Variants in SLC45A4 observed in about 807,000 individuals in gnomAD.
SLC45A4 encodes the protein solute carrier family 45 member 4, also known as polyamine-transporter SLC45A4.
In SLC45A4, 32 loss-of-function variants were observed where a neutral mutation model predicts 63.7. The ratio of observed to expected loss-of-function variants is 0.50; its 90% CI spans 0.38 to 0.67. The LOEUF is 0.67. SLC45A4 is among the 30% of genes least tolerant of loss of function. The probability of loss-of-function intolerance (pLI) is 0.00; values close to 1 mark genes in which losing one functional copy is unlikely to be tolerated. For synonymous variants in SLC45A4, 535 were observed against 510.0 expected (o/e 1.05, Z -0.66); for missense variants, 1,027 against 1,157.7 (o/e 0.89, Z 1.64).
intron 3 of SLC45A4, among the ~76,000 whole-genome samples, chr8:141,220,283 AG>A (rs1224707378): frequency 6.6e-6 from 1 of 152,130 alleles, no homozygotes; most frequent in Non-Finnish European, 1.5e-5. Context: ...AGGCAGGCGC[AG>A]GGGGTCTCGC....
At chr8:141,230,113 T>G (rs1439043295) in intron 2 of SLC45A4, 2 of 456,120 alleles carry the variant, frequency 4.4e-6, no homozygotes, top group African/African-American at 2.0e-5. Context: ...GAGGCCGCAT[T>G]AGACTATTTT....
chr8:141,299,938 A>G (rs956806701), intron 1 of SLC45A4, among the ~76,000 whole-genome samples: 6 of 152,160 alleles, frequency 3.9e-5, no homozygotes, highest in African/African-American at 1.4e-4. Context: ...CTGTGGGGGT[A>G]ATTAGGGGCT....
At position 141,253,973 on chromosome 8, in the gene SLC45A4, C is replaced by A; in HGVS notation, c.241+16G>T. ...CCGCTCAGCGTTCACTGCGCACAGA[C>A]GGGGAGGAGACTTACCAATCTGCAA... On this transcript the variant is annotated intron_variant, in intron 2 of 8. Transcript: ENST00000517878. 6.5e-7 allele frequency: 1 copy of A among 1,535,788 alleles called. No homozygotes were observed. The highest frequency in any genetic ancestry group is 8.7e-7 in the Non-Finnish European group (1 of 1,146,612).
intron 1 of SLC45A4, among the ~76,000 whole-genome samples, chr8:141,289,768 T>G (rs889812781): frequency 6.6e-6 from 1 of 152,016 alleles, no homozygotes; most frequent in Non-Finnish European, 1.5e-5. Context: ...AGAAAGCCCA[T>G]GGCCCGGGGT....
intron 2 of SLC45A4, among the ~76,000 whole-genome samples, chr8:141,233,668 C>G (rs987016269): frequency 6.6e-6 from 1 of 152,192 alleles, no homozygotes; most frequent in Non-Finnish European, 1.5e-5. Context: ...ATCTGGGCAA[C>G]AGAGTGAGAC....
At chr8:141,242,664 C>T (rs568389825) in intron 2 of SLC45A4, among the ~76,000 whole-genome samples, 6 of 152,306 alleles carry the variant, frequency 3.9e-5, no homozygotes, top group South Asian at 2.1e-4. Flanking sequence ...CTGGACAAGT[C>T]GCTGAGTCAA....
intron 1 of SLC45A4, among the ~76,000 whole-genome samples, chr8:141,260,756 C>G (rs1484428382): frequency 6.6e-6 from 1 of 152,088 alleles, no homozygotes; most frequent in Non-Finnish European, 1.5e-5. Context: ...CAAAAAAAGT[C>G]CAGGACCAGA....
intron 2 of SLC45A4, among the ~76,000 whole-genome samples, chr8:141,244,734 T>G (rs1320085602): frequency 2.6e-5 from 4 of 152,120 alleles, no homozygotes; most frequent in African/African-American, 9.7e-5. Flanking sequence ...TCGAAAGCAC[T>G]GCTCTCTCAA....
At chr8:141,245,456 C>T (rs775703020) in intron 2 of SLC45A4, among the ~76,000 whole-genome samples, 19 of 152,200 alleles carry the variant, frequency 1.2e-4, no homozygotes, top group Non-Finnish European at 2.5e-4. Flanking sequence ...GGGCCTTCCG[C>T]TCCATCACGT....
intron 2 of SLC45A4, among the ~76,000 whole-genome samples, chr8:141,234,019 T>A (rs1426840649): frequency 1.3e-5 from 2 of 152,258 alleles, no homozygotes; most frequent in Non-Finnish European, 2.9e-5. Context: ...TCTGTAAACA[T>A]CATCACCAGG....
intron 1 of SLC45A4, among the ~76,000 whole-genome samples, chr8:141,298,996 C>T (rs1036885938): frequency 5.3e-5 from 8 of 152,028 alleles, no homozygotes; most frequent in African/African-American, 1.7e-4. Context: ...CTCACCAGTG[C>T]CCCCACCAGG....
At chr8:141,287,439 C>A (rs1470505639) in intron 1 of SLC45A4, among the ~76,000 whole-genome samples, 1 of 152,196 alleles carries the variant, frequency 6.6e-6, no homozygotes, top group East Asian at 1.9e-4. Context: ...GACTGTGCCC[C>A]TGCCACAGAC....
intron 4 of SLC45A4, 74 bp from the exon 5 acceptor site, chr8:141,219,103 T>G: frequency 6.6e-7 from 1 of 1,523,604 alleles, no homozygotes; most frequent in Non-Finnish European, 8.9e-7. Context: ...GGAGGGCCTC[T>G]CCCTCTAACA....
At position 141,256,757 on chromosome 8, in the gene SLC45A4, A is replaced by G. The variant is rs541189231; in HGVS notation, c.-400-2128T>C. On this transcript the variant is annotated intron_variant, in intron 1 of 8. Coordinates refer to ENST00000517878, the MANE Select transcript of SLC45A4 (RefSeq NM_001286646.2). The surrounding 1 kb of genome is among the most constrained non-coding windows in gnomAD (Gnocchi z 4.3). Reference sequence around the variant, plus strand: ...ACGACAGCCCTCGAGAATTCTTTCAAGTTTTCCAAATGTCCTCTACCGTAG... The same window carrying G: ...ACGACAGCCCTCGAGAATTCTTTCAGGTTTTCCAAATGTCCTCTACCGTAG... 2 of 393,320 alleles carry G rather than the reference A, an allele frequency of 5.1e-6. No individual in the cohort carries two copies. The highest frequency in any genetic ancestry group is 7.4e-5 in the East Asian group (1 of 13,534). 24.4% of individuals were successfully genotyped at this position (393,320 alleles called of 1,614,324 possible).
chr8:141,302,544 C>T (rs1177283180), intron 1 of SLC45A4, among the ~76,000 whole-genome samples: 1 of 152,166 alleles, frequency 6.6e-6, no homozygotes, highest in Non-Finnish European at 1.5e-5. Flanking sequence ...GTTGGCCAGG[C>T]TGGTCTCGAA....
At chr8:141,265,998 AT>A (rs773589801) in intron 1 of SLC45A4, among the ~76,000 whole-genome samples, 1 of 152,150 alleles carries the variant, frequency 6.6e-6, no homozygotes, top group Non-Finnish European at 1.5e-5. Flanking sequence ...ACTTCCTACA[AT>A]TTGCTGAGTG....
rs552854565 is a variant in SLC45A4 at position 141,295,047 on chromosome 8, G to A, written c.-401+13049C>T. Among the ~76,000 whole-genome samples, 12 of 152,334 alleles carry A rather than the reference G, an allele frequency of 7.9e-5. No homozygotes were observed. The South Asian group carries it at 1.5e-3, about 18-fold the overall frequency. On this transcript the variant is annotated intron_variant, in intron 1 of 8. Transcript: ENST00000517878. ...CCACTGGACTTCAGGAGAGAGCTGC[G>A]GGCAGGCCTGTCTGTCTTGGGTTGG...
At chr8:141,228,032 G>T in intron 2 of SLC45A4, 1 of 905,214 alleles carries the variant, frequency 1.1e-6, no homozygotes, top group Non-Finnish European at 1.7e-6. Flanking sequence ...AGGACCCAGC[G>T]CCTCATTTCT....
intron 1 of SLC45A4, among the ~76,000 whole-genome samples, chr8:141,275,939 G>A (rs1202021285): frequency 1.3e-5 from 2 of 151,122 alleles, no homozygotes; most frequent in Admixed American, 1.3e-4. Flanking sequence ...TTGAGATGGG[G>A]TCTTACTGTG....
Sources: gnomAD v4.1 joint callset for allele counts (sites outside exome capture counted in the v4.1 genomes callset) on GRCh38, gnomAD v4.1.1 for gene constraint, Gnocchi (gnomAD v3.1) non-coding constraint, MANE v1.5 for transcripts, NCBI Gene and HGNC (gene_info 2026-07-23, HGNC 2026-07-21) for gene names.